The following ABR variants were observed in gnomAD, a reference collection of about 807,000 sequenced individuals.
ABR encodes ABR activator of RhoGEF and GTPase, also known as active breakpoint cluster region-related protein.
A neutral mutation model predicts 107.2 loss-of-function variants in ABR; 35 were observed. The observed-to-expected ratio is 0.33, with a 90% CI of 0.25 to 0.43. ABR has a LOEUF of 0.43. Ranked by LOEUF, ABR falls within the 20% of genes least tolerant of loss-of-function variation. The probability of loss-of-function intolerance (pLI) is 1.00; values close to 1 mark genes in which losing one functional copy is unlikely to be tolerated. For missense variants in ABR, 815 were observed against 1,115.2 expected (o/e 0.73, Z 3.83); for synonymous variants, 498 against 462.0 (o/e 1.08, Z -1.00).
chr17:1,085,803 A>G (rs2036557181), intron 4 of ABR, among the ~76,000 whole-genome samples: 1 of 152,214 alleles, frequency 6.6e-6, no homozygotes, highest in Non-Finnish European at 1.5e-5. Context: ...GGAATAAATA[A>G]AAGATATTCT....
At chr17:1,186,197 C>A (rs1186031948) in intron 1 of ABR, among the ~76,000 whole-genome samples, 2 of 152,164 alleles carry the variant, frequency 1.3e-5, no homozygotes, top group Admixed American at 6.5e-5. Flanking sequence ...AGAAAATTCC[C>A]CAGGCCTCCA....
At chr17:1,199,054 G>GA (rs5818787) in intron 1 of ABR, among the ~76,000 whole-genome samples, 38,035 of 129,606 alleles carry the variant, frequency 0.29, 5,996 homozygotes, top group Middle Eastern at 0.35. Flanking sequence ...ACTCTGACTC[G>GA]AAAAAAAAAA....
chr17:1,188,086 G>A (rs2042350195), upstream of ABR, among the ~76,000 whole-genome samples: 5 of 152,092 alleles, frequency 3.3e-5, no homozygotes, highest in South Asian at 1.0e-3. Flanking sequence ...ATGGTGGCGG[G>A]CATCTGTAGT....
intron 2 of ABR, chr17:1,108,809 G>T: frequency 2.0e-5 from 9 of 454,190 alleles, no homozygotes; most frequent in Non-Finnish European, 2.8e-5. Context: ...TGCCGGGGCC[G>T]GGACCCTCCG....
intron 10 of ABR, 92 bp from the exon 11 acceptor site, chr17:1,058,959 G>C: frequency 6.6e-7 from 1 of 1,519,020 alleles, no homozygotes; most frequent in Non-Finnish European, 8.9e-7. Context: ...GTGTTAACAT[G>C]CTCTTTACAT....
intron 2 of ABR, among the ~76,000 whole-genome samples, chr17:1,103,057 T>G (rs1380933633): frequency 5.9e-5 from 9 of 152,196 alleles, no homozygotes; most frequent in Non-Finnish European, 1.0e-4. Context: ...TGTGTGGTTT[T>G]AAGCCCTTAA....
chr17:1,024,276 A>C (rs2663339), intron 16 of ABR, among the ~76,000 whole-genome samples: 61,372 of 151,992 alleles, frequency 0.4, 13,339 homozygotes, highest in African/African-American at 0.53. Context: ...GCGTGCCAGG[A>C]CGGGCACCAC....
At position 1,050,435 on chromosome 17, in the gene ABR, C is replaced by T; in HGVS notation, c.1659+102G>A. 1.7e-6 allele frequency: 2 copies of T among 1,149,750 alleles called. No individual in the cohort carries two copies. Among genetic ancestry groups the T allele is most frequent in the Non-Finnish European group, 2.6e-6 (2 of 766,400 alleles). 71.2% of individuals were successfully genotyped at this position (1,149,750 alleles called of 1,614,324 possible). A position where few individuals can be genotyped will look rare whatever the true frequency, so the allele number is the denominator to read the frequency against. On this transcript the variant is annotated intron_variant, in intron 15 of 22. Transcript: ENST00000302538. This position sits in a 1 kb window ranked among gnomAD's most constrained non-coding sequence, Gnocchi z 4.6. The stretch of plus-strand genomic sequence containing the variant: ...GGAGCAGGGAGCAGAAAGGGGGGTG[C>T]AGACATAGCTGGTCCAACCAATGGG...
chr17:1,120,364 A>G (rs1013949900), intron 2 of ABR, among the ~76,000 whole-genome samples: 1 of 151,468 alleles, frequency 6.6e-6, no homozygotes, highest in South Asian at 2.1e-4. Context: ...CTCTGCCCCC[A>G]CTGGGTTCTA....
Position 1,179,747 on chromosome 17 carries a change from C to A in ABR, c.-20G>T, listed in dbSNP as rs1457812878. ...CTCCATCCCGCGGCGGCGGCTCGGT[C>A]AGATCCGAAACCCGACCCTCATCGC... On this transcript the variant is annotated 5_prime_UTR_variant, in exon 1 of 23. It removes the in-frame stop codon of an upstream open reading frame in the 5' UTR. Coordinates refer to ENST00000302538, the MANE Select transcript of ABR (RefSeq NM_021962.5). The surrounding 1 kb of genome is among the most constrained non-coding windows in gnomAD (Gnocchi z 4.9). 6.7e-7 allele frequency: 1 copy of A among 1,497,680 alleles called. No individual in the cohort carries two copies. The highest frequency in any genetic ancestry group is 2.1e-5 in the Admixed American group (1 of 47,694). 92.8% of individuals were successfully genotyped at this position (1,497,680 alleles called of 1,614,324 possible).
intron 1 of ABR, among the ~76,000 whole-genome samples, chr17:1,162,660 C>T (rs145443795): frequency 0.011 from 1,671 of 150,980 alleles, 10 homozygotes; most frequent in Non-Finnish European, 0.018. Context: ...ATGGATGTGG[C>T]TCACACCTCT....
Position 1,012,038 on chromosome 17 carries a change from G to C in ABR, c.1962-53C>G, listed in dbSNP as rs114584757. The C allele has an allele frequency of 2.1e-3, 3,347 of 1,606,066 alleles. 50 individuals are homozygous for C. In the African/African-American group the frequency reaches 0.037, roughly 18 times the overall value. On this transcript the variant is annotated intron_variant, in intron 18 of 22. Transcript: ENST00000302538. ...GGGCAGCCCCCACGACAGCTCTCCC[G>C]TAGCAACCCCCACCCAGCACACACA...
At chr17:1,125,102 C>A (rs1201387977) in intron 2 of ABR, 81 bp downstream of exon 2, 24 of 1,432,546 alleles carry the variant, frequency 1.7e-5, no homozygotes, top group Non-Finnish European at 2.3e-5. Flanking sequence ...TCGAGACCAA[C>A]CCAAGCAGGG....
rs1175893093 is a variant in ABR, at chr17:1,179,043, TG to T, written c.61+623del. On this transcript the variant is annotated intron_variant, in intron 1 of 22. Transcript: ENST00000302538. The surrounding 1 kb of genome is among the most constrained non-coding windows in gnomAD (Gnocchi z 4.9). ...CTGAGGGTGGTGGTGATGATGAGGG[TG>T]GGGGTGGTGATGAGGCTGGCAGGAA... 1.4e-5 allele frequency among the ~76,000 whole-genome samples: 2 copies of T among 147,308 alleles called. No individual in the cohort carries two copies. Among genetic ancestry groups the T allele is most frequent in the East Asian group, 2.0e-4 (1 of 4,990 alleles).
intron 16 of ABR, among the ~76,000 whole-genome samples, chr17:1,039,925 G>A (rs568156312): frequency 2.0e-5 from 3 of 152,316 alleles, no homozygotes; most frequent in South Asian, 2.1e-4. Flanking sequence ...AGCTATGGGG[G>A]CTGTGAGTGC....
At chr17:1,160,273 A>G (rs1419087445) in intron 1 of ABR, among the ~76,000 whole-genome samples, 1 of 107,066 alleles carries the variant, frequency 9.3e-6, no homozygotes, top group Non-Finnish European at 1.9e-5. Flanking sequence ...AAACAATAAC[A>G]AAAAAAAACC....
intron 2 of ABR, among the ~76,000 whole-genome samples, chr17:1,109,540 C>A (rs895868106): frequency 6.6e-6 from 1 of 150,692 alleles, no homozygotes; most frequent in Non-Finnish European, 1.5e-5. Flanking sequence ...AGGCCGCGGC[C>A]GGGCCGGGGT....
chr17:1,177,548 A>C (rs2041958466), intron 1 of ABR, among the ~76,000 whole-genome samples: 1 of 152,202 alleles, frequency 6.6e-6, no homozygotes, highest in African/African-American at 2.4e-5. Context: ...AGGTGGCCTC[A>C]GGCAATTTTG....
rs1474667453 is a variant in ABR at position 1,010,370 on chromosome 17, A to G, written c.2236+359T>C. 2.4e-5 allele frequency: 7 copies of G among 287,470 alleles called. No individual in the cohort carries two copies. The East Asian group carries it at 3.1e-4, about 13-fold the overall frequency. 17.8% of individuals were successfully genotyped at this position (287,470 alleles called of 1,614,324 possible). On this transcript the variant is annotated intron_variant, in intron 20 of 22. Transcript: ENST00000302538. This position sits in a 1 kb window ranked among gnomAD's most constrained non-coding sequence, Gnocchi z 4.1. ...CAGCACAACCCATCTCGAGTGCCCT[A>G]TGGCTTAAGCCAGCCTCCTCCTTGG...
Sources: allele counts gnomAD v4.1 joint callset (sites outside exome capture counted in the v4.1 genomes callset), GRCh38; gene constraint gnomAD v4.1.1; non-coding constraint Gnocchi (gnomAD v3.1); transcripts MANE v1.5; gene names NCBI Gene and HGNC (gene_info 2026-07-23, HGNC 2026-07-21).